Variants in MED23 observed in about 807,000 individuals in gnomAD.
The protein encoded by MED23 is mediator complex subunit 23.
In MED23, 105 loss-of-function variants were observed where a neutral mutation model predicts 163.9. The ratio of observed to expected loss-of-function variants is 0.64; its 90% confidence interval spans 0.55 to 0.75. The LOEUF (loss-of-function observed/expected upper bound fraction) is 0.75, where lower values mean the gene tolerates loss of function less well. Among genes scored for constraint, MED23 ranks in the 30% least tolerant of loss-of-function variants. The probability of loss-of-function intolerance (pLI) is 0.00; values close to 1 mark genes in which losing one functional copy is unlikely to be tolerated. For synonymous variants in MED23, 561 were observed against 565.6 expected (o/e 0.99, Z 0.12); for missense variants, 1,054 against 1,649.0 (o/e 0.64, Z 6.25).
chr6:131,601,509 T>C (rs577366118), intron 17 of MED23, among the ~76,000 whole-genome samples: 1 of 152,348 alleles, frequency 6.6e-6, no homozygotes, highest in African/African-American at 2.4e-5. Context: ...GGATTCCATA[T>C]TGCAGCTAAC....
At chr6:131,619,200 A>G (rs903126204) in intron 8 of MED23, among the ~76,000 whole-genome samples, 4 of 152,174 alleles carry the variant, frequency 2.6e-5, no homozygotes, top group African/African-American at 9.7e-5. Context: ...TCTAGTGTCT[A>G]TTTAGATTGT....
intron 30 of MED23, among the ~76,000 whole-genome samples, chr6:131,577,598 C>T (rs1231489607): frequency 6.6e-6 from 1 of 151,864 alleles, no homozygotes; most frequent in Non-Finnish European, 1.5e-5. Flanking sequence ...AGATAGTATT[C>T]AACAATAAAA....
At chr6:131,610,530 C>A (rs1776207997) in intron 10 of MED23, among the ~76,000 whole-genome samples, 1 of 152,098 alleles carries the variant, frequency 6.6e-6, no homozygotes, top group Admixed American at 6.6e-5. Context: ...AAGGGCAATG[C>A]ATAGTAGAGA....
At position 131,598,286 on chromosome 6, in the gene MED23, C is replaced by A. The variant is rs775282486; in HGVS notation, c.2607+1G>T. The stretch of plus-strand genomic sequence containing the variant: ...AAGCTTAGAAATGTATTTATTCTTA[C>A]CAGGCAGAGAATTAATCTGTCCAGT... On this transcript the variant is annotated splice_donor_variant, in intron 20 of 28. Transcript: ENST00000368068. LOFTEE classifies it high-confidence loss of function. This position sits in a 1 kb window ranked among gnomAD's most constrained non-coding sequence, Gnocchi z 4.7. The A allele has an allele frequency of 6.2e-7, 1 of 1,611,666 alleles. No homozygotes were observed. Among genetic ancestry groups the A allele is most frequent in the Non-Finnish European group, 8.5e-7 (1 of 1,177,844 alleles).
intron 10 of MED23, among the ~76,000 whole-genome samples, chr6:131,614,447 G>T (rs1229308274): frequency 6.6e-6 from 1 of 152,036 alleles, no homozygotes; most frequent in Non-Finnish European, 1.5e-5. Context: ...CAAAAAGCTG[G>T]TCTATTTTAA....
At chr6:131,597,305 T>C (rs576963676) in intron 20 of MED23, among the ~76,000 whole-genome samples, 1 of 151,420 alleles carries the variant, frequency 6.6e-6, no homozygotes, top group Non-Finnish European at 1.5e-5. Flanking sequence ...TGAAACCCCA[T>C]CTCTACTAAA....
chr6:131,592,575 T>C, intron 24 of MED23, 115 bp from the exon 25 acceptor site: 1 of 892,080 alleles, frequency 1.1e-6, no homozygotes, highest in South Asian at 1.4e-5. Context: ...AACTAATCCA[T>C]TTCAATAAAA....
chr6:131,620,797 T>C, intron 6 of MED23, 68 bp from the exon 7 acceptor site: 1 of 934,604 alleles, frequency 1.1e-6, no homozygotes. Context: ...TTTTATTTAT[T>C]ATCATTATTT....
At chr6:131,579,615 T>G (rs1437018254) in intron 30 of MED23, 1 of 228,354 alleles carries the variant, frequency 4.4e-6, no homozygotes, top group Non-Finnish European at 8.8e-6. Flanking sequence ...TTGCCGATAA[T>G]ATATACAACT....
chr6:131,584,363 A>AACACAC (rs3138772), downstream of MED23: 20,280 of 158,284 alleles, frequency 0.13, 1,437 homozygotes, highest in Middle Eastern at 0.16. Context: ...AAATACATGC[A>AACACAC]ACACACACAC....
At chr6:131,607,816 G>A (rs1775971140) in intron 12 of MED23, 112 bp downstream of exon 12, 1 of 1,204,674 alleles carries the variant, frequency 8.3e-7, no homozygotes, top group African/African-American at 1.5e-5. Context: ...ACATTCAATT[G>A]TGATTTAGCA....
intron 28 of MED23, among the ~76,000 whole-genome samples, chr6:131,588,806 A>T (rs1331430138): frequency 1.3e-5 from 2 of 152,154 alleles, no homozygotes; most frequent in African/African-American, 2.4e-5. Context: ...CTACTTTCAG[A>T]CATCCCCATT....
chr6:131,590,488 A>T (rs1207727571), intron 26 of MED23, 46 bp from the exon 27 acceptor site: 1 of 1,461,204 alleles, frequency 6.8e-7, no homozygotes, highest in African/African-American at 1.4e-5. Flanking sequence ...AATTATTTAA[A>T]TTGTTTGAAT....
rs1038635766 is a variant in MED23, at chr6:131,614,508, T to C, written c.876+1399A>G. 3.9e-5 allele frequency among the ~76,000 whole-genome samples: 6 copies of C among 152,358 alleles called. No individual in the cohort carries two copies. The East Asian group carries it at 1.2e-3, about 29-fold the overall frequency. On this transcript the variant is annotated intron_variant, in intron 10 of 28. Transcript: ENST00000368068. ...AAAAATAATTGGAACCACTATTTTGTTTAAAATATCAAAGGTGAAAAGTCC... is the reference window on the plus strand; with the variant it reads ...AAAAATAATTGGAACCACTATTTTGCTTAAAATATCAAAGGTGAAAAGTCC...
intron 30 of MED23, chr6:131,581,089 A>G (rs1773896245): frequency 2.2e-6 from 2 of 897,940 alleles, no homozygotes; most frequent in East Asian, 2.5e-5. Flanking sequence ...GGCATCTCCA[A>G]TTCAGAACCT....
At chr6:131,589,951 G>C (rs746267555) in intron 27 of MED23, among the ~76,000 whole-genome samples, 7 of 152,092 alleles carry the variant, frequency 4.6e-5, no homozygotes, top group Non-Finnish European at 7.4e-5. Context: ...AGTTCCATTT[G>C]GTAGCTCTTG....
chr6:131,598,726 G>A lies in MED23; in HGVS notation c.2256C>T (p.Ser752=). 6.2e-7 allele frequency: 1 copy of A among 1,614,008 alleles called. No individual in the cohort carries two copies. The highest frequency in any genetic ancestry group is 8.5e-7 in the Non-Finnish European group (1 of 1,179,992). Residue 752 remains serine (S), a synonymous_variant, in exon 19 of 29, where the codon AGC becomes AGT. Coordinates refer to ENST00000368068, the MANE Select transcript of MED23 (RefSeq NM_004830.4). This position sits in a 1 kb window ranked among gnomAD's most constrained non-coding sequence, Gnocchi z 4.7. ...CCACATTTTTTTTCAGATTAAAACG[G>A]CTTTCCTGAGGCACATTATTTTGTT... ...FFKQNNVPQE[S]RFNLKKNVEE... is the part of the protein sequence containing the mutation.
intron 21 of MED23, 38 bp from the exon 22 acceptor site, chr6:131,596,201 T>G: frequency 1.9e-6 from 3 of 1,573,824 alleles, no homozygotes; most frequent in Non-Finnish European, 2.6e-6. Context: ...TTAGAGCATT[T>G]TTTAAAAAAT....
chr6:131,612,938 A>G (rs1312253745), intron 10 of MED23, among the ~76,000 whole-genome samples: 2 of 152,122 alleles, frequency 1.3e-5, no homozygotes, highest in African/African-American at 4.8e-5. Flanking sequence ...AAATTTTAAC[A>G]TACTGTACTT....
Sources: gnomAD v4.1 joint callset for allele counts (sites outside exome capture counted in the v4.1 genomes callset) on GRCh38, gnomAD v4.1.1 for gene constraint, Gnocchi (gnomAD v3.1) non-coding constraint, MANE v1.5 for transcripts, NCBI Gene and HGNC (gene_info 2026-07-23, HGNC 2026-07-21) for gene names.